Variants in CDH18 observed in about 807,000 individuals in gnomAD.
CDH18 encodes cadherin 18.
In CDH18, 31 loss-of-function variants were observed where a neutral mutation model predicts 67.9. The ratio of observed to expected loss-of-function variants is 0.46; its 90% CI spans 0.34 to 0.62. The LOEUF (loss-of-function observed/expected upper bound fraction) is 0.62, where lower values mean the gene tolerates loss of function less well. CDH18 is among the 20% of genes least tolerant of loss of function. The pLI is 0.01. For synonymous variants in CDH18, 362 were observed against 347.2 expected, an observed-to-expected ratio of 1.04 and a Z score of -0.48; for missense variants, 890 against 975.5, an observed-to-expected ratio of 0.91 and a Z score of 1.17.
chr5:20,186,499 C>T (rs1016387855), intron 2 of CDH18, among the ~76,000 whole-genome samples: 3 of 151,562 alleles, frequency 2.0e-5, no homozygotes, highest in Non-Finnish European at 2.9e-5. Context: ...AAATCAAGGA[C>T]GTGAATAGAT....
chr5:20,385,548 T>A lies in CDH18; in HGVS notation c.-579-130043A>T, dbSNP rs537194783. Among the ~76,000 whole-genome samples, 152 of 152,330 alleles carry A rather than the reference T, an allele frequency of 1.0e-3. 1 individual carries two copies. The highest frequency in any genetic ancestry group is 3.6e-3 in the African/African-American group (150 of 41,586). On this transcript the variant is annotated intron_variant, in intron 1 of 14. Transcript: ENST00000507958. Reference sequence around the variant, plus strand: ...GTCACAGAATTTGCAACCAAATGTGTTTCTAGTCTCTTCTTGATACAGATG... The same window carrying A: ...GTCACAGAATTTGCAACCAAATGTGATTCTAGTCTCTTCTTGATACAGATG...
chr5:19,678,652 T>A (rs1016575315), intron 5 of CDH18, among the ~76,000 whole-genome samples: 1 of 151,680 alleles, frequency 6.6e-6, no homozygotes, highest in South Asian at 2.1e-4. Flanking sequence ...CCAAATACCT[T>A]CCTAGACTAC....
At chr5:19,815,727 A>C (rs1382218452) in intron 3 of CDH18, among the ~76,000 whole-genome samples, 1 of 151,944 alleles carries the variant, frequency 6.6e-6, no homozygotes, top group African/African-American at 2.4e-5. Flanking sequence ...TAATCCTATG[A>C]ACACGAAGAG....
rs915165652 is a variant in CDH18, at chr5:19,646,328, C to G, written c.644-33727G>C. ...AAAAAATACAACATTCATCAATAAACTTAAATTATTATTATTACTATTTTT... is the reference window on the plus strand; with the variant it reads ...AAAAAATACAACATTCATCAATAAAGTTAAATTATTATTATTACTATTTTT... On this transcript the variant is annotated intron_variant, in intron 5 of 12. Coordinates refer to ENST00000382275, the MANE Select transcript of CDH18 (RefSeq NM_004934.5). 3.3e-5 allele frequency among the ~76,000 whole-genome samples: 5 copies of G among 152,148 alleles called. No individual in the cohort carries two copies. The East Asian group carries it at 9.7e-4, about 29-fold the overall frequency.
intron 10 of CDH18, among the ~76,000 whole-genome samples, chr5:19,513,082 C>A (rs1344298287): frequency 6.6e-6 from 1 of 151,910 alleles, no homozygotes; most frequent in Non-Finnish European, 1.5e-5. Context: ...ATAAATACAA[C>A]TTTAATCAGT....
chr5:19,516,883 T>G (rs1746106323), intron 10 of CDH18, among the ~76,000 whole-genome samples: 1 of 152,114 alleles, frequency 6.6e-6, no homozygotes, highest in African/African-American at 2.4e-5. Flanking sequence ...ATTCACCTAT[T>G]GAAGGATGTC....
intron 6 of CDH18, among the ~76,000 whole-genome samples, chr5:19,605,944 C>T (rs757192653): frequency 2.6e-5 from 4 of 152,062 alleles, no homozygotes; most frequent in African/African-American, 4.8e-5. Context: ...ATTGTAGACA[C>T]ATCCACTACT....
chr5:19,555,356 G>C (rs976912651), intron 8 of CDH18, among the ~76,000 whole-genome samples: 2 of 152,192 alleles, frequency 1.3e-5, no homozygotes, highest in African/African-American at 4.8e-5. Context: ...TCTCAGCTGG[G>C]AGGCTTGTAG....
At chr5:19,732,528 T>C (rs917363244) in intron 4 of CDH18, among the ~76,000 whole-genome samples, 1 of 152,048 alleles carries the variant, frequency 6.6e-6, no homozygotes, top group African/African-American at 2.4e-5. Flanking sequence ...ATAAATAAAA[T>C]AAATTGTGAC....
intron 2 of CDH18, among the ~76,000 whole-genome samples, chr5:20,070,511 C>A (rs948077719): frequency 1.3e-5 from 2 of 151,816 alleles, no homozygotes; most frequent in African/African-American, 2.4e-5. Flanking sequence ...TTAACCAGAG[C>A]GGTATTAGGG....
At chr5:20,033,376 T>C (rs1362973696) in intron 2 of CDH18, among the ~76,000 whole-genome samples, 1 of 152,036 alleles carries the variant, frequency 6.6e-6, no homozygotes, top group Non-Finnish European at 1.5e-5. Context: ...ACAGCTGCTG[T>C]GCTCAACTGT....
At chr5:19,948,572 G>C (rs1795489866) in intron 2 of CDH18, among the ~76,000 whole-genome samples, 1 of 152,134 alleles carries the variant, frequency 6.6e-6, no homozygotes, top group Non-Finnish European at 1.5e-5. Flanking sequence ...GCTTGTGCTA[G>C]GGCAGTTCTG....
intron 1 of CDH18, among the ~76,000 whole-genome samples, chr5:20,435,877 T>C (rs545956792): frequency 6.6e-6 from 1 of 152,182 alleles, no homozygotes; most frequent in African/African-American, 2.4e-5. Flanking sequence ...CTGTCAATTT[T>C]TGTGAACTAT....
chr5:20,230,159 TTGA>T (rs1741950490), intron 2 of CDH18, among the ~76,000 whole-genome samples: 1 of 152,182 alleles, frequency 6.6e-6, no homozygotes, highest in Admixed American at 6.5e-5. Context: ...ATACATTGCA[TTGA>T]TGTCTCTGCT....
chr5:19,989,678 G>C (rs1315992568), upstream of CDH18, among the ~76,000 whole-genome samples: 1 of 152,166 alleles, frequency 6.6e-6, no homozygotes, highest in African/African-American at 2.4e-5. Context: ...TGTATTTCTT[G>C]GAAGTTTCTT....
intron 10 of CDH18, among the ~76,000 whole-genome samples, chr5:19,504,391 C>T (rs977397142): frequency 3.3e-5 from 5 of 151,988 alleles, no homozygotes; most frequent in African/African-American, 9.7e-5. Context: ...GATTTCCCTC[C>T]ATATTTATTT....
chr5:19,783,111 A>G (rs1775317420), intron 3 of CDH18, among the ~76,000 whole-genome samples: 1 of 152,186 alleles, frequency 6.6e-6, no homozygotes, highest in Non-Finnish European at 1.5e-5. Flanking sequence ...GTTTCTGCCT[A>G]ATTAACATGA....
intron 2 of CDH18, among the ~76,000 whole-genome samples, chr5:20,251,837 G>C (rs139511916): frequency 6.6e-6 from 1 of 152,224 alleles, no homozygotes; most frequent in Admixed American, 6.5e-5. Context: ...GATCTGATTT[G>C]AGAATATCTA....
At position 20,566,215 on chromosome 5, in the gene CDH18, C is replaced by T. The variant is rs1421473619; in HGVS notation, c.-580+9247G>A. 2.0e-5 allele frequency among the ~76,000 whole-genome samples: 3 copies of T among 152,160 alleles called. No individual in the cohort carries two copies. The East Asian group carries it at 5.8e-4, about 29-fold the overall frequency. ...CTCTGGATCATCAAGTAATAGAAGG[C>T]TAGGCTACATACTCAGAGGAAGCAG... On this transcript the variant is annotated intron_variant, in intron 1 of 14. Transcript: ENST00000507958.
Sources: allele counts gnomAD v4.1 joint callset (sites outside exome capture counted in the v4.1 genomes callset), GRCh38; gene constraint gnomAD v4.1.1; transcripts MANE v1.5; gene names NCBI Gene and HGNC (gene_info 2026-07-23, HGNC 2026-07-21).